The following CEP126 variants were observed in gnomAD, a reference collection of about 807,000 sequenced individuals.
CEP126 encodes centrosomal protein of 126 kDa.
In CEP126, 74 loss-of-function variants were observed where a neutral mutation model predicts 107.8. The observed-to-expected ratio is 0.69, with a 90% confidence interval of 0.57 to 0.83. The LOEUF (loss-of-function observed/expected upper bound fraction) is 0.83, where lower values mean the gene tolerates loss of function less well. CEP126 is among the 40% of genes least tolerant of loss of function. The pLI is 0.00. For synonymous variants in CEP126, 449 were observed against 446.0 expected (o/e 1.01, Z -0.08); for missense variants, 1,237 against 1,281.9 (o/e 0.96, Z 0.53).
In CEP126 at chr11:101,963,782, A is replaced by G; in HGVS notation, c.2747A>G (p.Glu916Gly). Reference protein sequence around the residue: ...YCTQRSPVCEESYPSVTLRTA... With the variant: ...YCTQRSPVCEGSYPSVTLRTA... Reference sequence around the variant, plus strand: ...ACCCAAAGAAGTCCTGTTTGTGAAGAAAGTTATCCGTCTGTGACTCTAAGA... The same window carrying G: ...ACCCAAAGAAGTCCTGTTTGTGAAGGAAGTTATCCGTCTGTGACTCTAAGA... The change falls in exon 6 of 11, where the codon GAA becomes GGA. Residue 916 changes from glutamate (E) to glycine (G), a missense_variant. Coordinates refer to ENST00000263468, the MANE Select transcript of CEP126 (RefSeq NM_020802.4). 6.2e-7 allele frequency: 1 copy of G among 1,614,180 alleles called. No homozygotes were observed. Among genetic ancestry groups the G allele is most frequent in the South Asian group, 1.1e-5 (1 of 91,086 alleles).
chr11:101,957,522 A>G (rs1422857870), intron 4 of CEP126, among the ~76,000 whole-genome samples: 3 of 152,226 alleles, frequency 2.0e-5, no homozygotes, highest in African/African-American at 7.2e-5. Context: ...CCTTTAGCAT[A>G]GTAAAGGTAG....
intron 1 of CEP126, among the ~76,000 whole-genome samples, chr11:101,920,598 C>G (rs1314889340): frequency 1.3e-5 from 2 of 150,548 alleles, no homozygotes; most frequent in South Asian, 4.2e-4. Context: ...CACGGTAATT[C>G]AATGAACTTT....
rs1014796822 is a variant in CEP126 at position 101,962,658 on chromosome 11, T to C, written c.1623T>C (p.Ala541=). The C allele has an allele frequency of 1.9e-6, 3 of 1,612,854 alleles. No individual in the cohort carries two copies. The highest frequency in any genetic ancestry group is 1.7e-5 in the Admixed American group (1 of 59,820). Reference sequence around the variant, plus strand: ...CAAAAGATGAAAAACAAAAATTAGCTGAAACATCATCCTTGTCTAATGTAA... The same window carrying C: ...CAAAAGATGAAAAACAAAAATTAGCCGAAACATCATCCTTGTCTAATGTAA... ...PDSKDEKQKL[A]ETSSLSNVTS... The change falls in exon 6 of 11, where the codon GCT becomes GCC. Residue 541 remains alanine, a synonymous_variant. Transcript: ENST00000263468.
chr11:101,976,356 A>G (rs1401660557), intron 6 of CEP126, among the ~76,000 whole-genome samples: 1 of 152,028 alleles, frequency 6.6e-6, no homozygotes, highest in Non-Finnish European at 1.5e-5. Flanking sequence ...TTTCATCTTA[A>G]TTTCTTTATA....
At chr11:101,957,386 C>G (rs199904764) in intron 4 of CEP126, among the ~76,000 whole-genome samples, 2 of 152,200 alleles carry the variant, frequency 1.3e-5, no homozygotes, top group East Asian at 3.8e-4. Context: ...TATCCTCCCC[C>G]AAAACTCTTC....
At chr11:101,927,079 G>C (rs1327892625) in intron 2 of CEP126, among the ~76,000 whole-genome samples, 1 of 152,098 alleles carries the variant, frequency 6.6e-6, no homozygotes, top group Non-Finnish European at 1.5e-5. Context: ...AGGTGGGTGC[G>C]TTACTTGAGG....
chr11:101,951,176 G>A (rs1267614865), intron 4 of CEP126, among the ~76,000 whole-genome samples: 5 of 152,140 alleles, frequency 3.3e-5, no homozygotes, highest in African/African-American at 1.2e-4. Context: ...AAAGAAATAA[G>A]AGTTTAAGGA....
chr11:101,999,544 G>C lies in CEP126; in HGVS notation c.*1901G>C, dbSNP rs898539238. 1 of 146,944 alleles carries C rather than the reference G, an allele frequency of 6.8e-6. No homozygotes were observed. The highest frequency in any genetic ancestry group is 1.5e-5 in the Non-Finnish European group (1 of 67,326). 9.1% of individuals were successfully genotyped at this position (146,944 alleles called of 1,614,324 possible). A position where few individuals can be genotyped will look rare whatever the true frequency, so the allele number is the denominator to read the frequency against. ...AAGCTGGTGAAACAAGATAAGATTT[G>C]CATTTTACTAGAACTTGCACATTAT... On this transcript the variant is annotated 3_prime_UTR_variant, in exon 11 of 11. Coordinates refer to ENST00000263468, the MANE Select transcript of CEP126 (RefSeq NM_020802.4).
At chr11:101,986,735 C>T (rs1941320162) in intron 8 of CEP126, 97 bp from the exon 9 acceptor site, 3 of 810,874 alleles carry the variant, frequency 3.7e-6, no homozygotes, top group Non-Finnish European at 4.1e-6. Context: ...TGAATACATA[C>T]AGACAGTTAA....
At chr11:101,930,255 A>T (rs116450296) in intron 2 of CEP126, among the ~76,000 whole-genome samples, 3,141 of 152,248 alleles carry the variant, frequency 0.021, 102 homozygotes, top group African/African-American at 0.07. Flanking sequence ...CAAGTCTCTT[A>T]TATAAAATAG....
At chr11:101,957,314 G>A (rs1291261470) in intron 4 of CEP126, among the ~76,000 whole-genome samples, 3 of 152,188 alleles carry the variant, frequency 2.0e-5, no homozygotes, top group South Asian at 4.1e-4. Context: ...AATGCTCTTT[G>A]GATTCACACT....
rs974310911 is a variant in CEP126 at position 101,940,223 on chromosome 11, G to T, written c.249-4042G>T. ...CCTAAGTTGGCAGTTGCAGTGCGCT[G>T]ATACTCTGAAACTGAATAATGCATG... On this transcript the variant is annotated intron_variant, in intron 2 of 10. Coordinates refer to ENST00000263468, the MANE Select transcript of CEP126 (RefSeq NM_020802.4). Among the ~76,000 whole-genome samples, 3 of 152,178 alleles carry T rather than the reference G, an allele frequency of 2.0e-5. No individual in the cohort carries two copies. The South Asian group carries it at 6.2e-4, about 32-fold the overall frequency.
In CEP126 at chr11:101,998,578, G is replaced by A. The variant is rs570687534; in HGVS notation, c.*935G>A. 4.3e-5 allele frequency: 3 copies of A among 70,168 alleles called. No individual in the cohort carries two copies. The highest frequency in any genetic ancestry group is 6.9e-5 in the African/African-American group (1 of 14,528). 4.3% of individuals were successfully genotyped at this position (70,168 alleles called of 1,614,324 possible). On this transcript the variant is annotated 3_prime_UTR_variant, in exon 11 of 11. Transcript: ENST00000263468. Reference sequence around the variant, plus strand: ...ACTGCACACCAGCCTGGGTGACAGTGTGAGACCCAGCCTCAAAAAAAAAAA... The same window carrying A: ...ACTGCACACCAGCCTGGGTGACAGTATGAGACCCAGCCTCAAAAAAAAAAA...
chr11:101,916,146 C>T (rs866657037), intron 1 of CEP126: 2 of 152,124 alleles, frequency 1.3e-5, no homozygotes, highest in African/African-American at 4.8e-5. Context: ...CTTTGTATTC[C>T]CAAAGGACTT....
intron 8 of CEP126, among the ~76,000 whole-genome samples, chr11:101,983,321 G>A (rs1267359781): frequency 1.3e-5 from 2 of 152,192 alleles, no homozygotes; most frequent in African/African-American, 4.8e-5. Context: ...TATATGACCT[G>A]AAGAAACAGA....
At chr11:101,923,662 G>A (rs77113211) in intron 2 of CEP126, among the ~76,000 whole-genome samples, 1 of 151,998 alleles carries the variant, frequency 6.6e-6, no homozygotes, top group Non-Finnish European at 1.5e-5. Flanking sequence ...ATTTTATTTT[G>A]TATGCATAGG....
chr11:101,968,744 A>T (rs1423858422), intron 6 of CEP126, among the ~76,000 whole-genome samples: 1 of 152,192 alleles, frequency 6.6e-6, no homozygotes, highest in Non-Finnish European at 1.5e-5. Flanking sequence ...AAAGGTAAAA[A>T]CAAACCTTAA....
At chr11:101,937,764 G>A (rs888697619) in intron 2 of CEP126, among the ~76,000 whole-genome samples, 3 of 151,794 alleles carry the variant, frequency 2.0e-5, no homozygotes, top group South Asian at 2.1e-4. Context: ...AGTTTTTTTT[G>A]TGGGAAACTT....
intron 9 of CEP126, among the ~76,000 whole-genome samples, chr11:101,989,520 T>C (rs556532489): frequency 1.3e-5 from 2 of 152,308 alleles, no homozygotes; most frequent in East Asian, 3.9e-4. Context: ...TGTGTGTGGA[T>C]TCTATTTCCG....
Sources: gnomAD v4.1 joint callset for allele counts (sites outside exome capture counted in the v4.1 genomes callset) on GRCh38, gnomAD v4.1.1 for gene constraint, MANE v1.5 for transcripts, NCBI Gene and HGNC (gene_info 2026-07-23, HGNC 2026-07-21) for gene names.